Variants in ZNF704 observed in about 807,000 individuals in gnomAD.
The protein encoded by ZNF704 is glucocorticoid induced gene 1.
In ZNF704, 10 loss-of-function variants were observed where a neutral mutation model predicts 44.7. The ratio of observed to expected loss-of-function variants is 0.22; its 90% confidence interval spans 0.14 to 0.38. ZNF704 has a LOEUF of 0.38. ZNF704 is among the 10% of genes least tolerant of loss of function. The pLI is 1.00. For synonymous variants in ZNF704, 211 were observed against 207.6 expected, an observed-to-expected ratio of 1.02 and a Z score of -0.14; for missense variants, 390 against 545.5, an observed-to-expected ratio of 0.71 and a Z score of 2.84.
In ZNF704 at chr8:80,736,620, C is replaced by A. The variant is rs1381515699; in HGVS notation, c.222-43513G>T. Among the ~76,000 whole-genome samples the A allele has an allele frequency of 3.3e-5, 5 of 151,856 alleles. No individual in the cohort carries two copies. In the East Asian group the frequency reaches 9.7e-4, roughly 29 times the overall value. On this transcript the variant is annotated intron_variant, in intron 2 of 8. Transcript: ENST00000327835. ...CTGCCCATGAAAACTACGAAGGGAA[C>A]TTAAAAAAAATTGGTGCCTGGCTAT...
rs189479708 is a variant in ZNF704, at chr8:80,671,505, T to G, written c.559-902A>C. ...AAATGACATCATGGAAGTGAATCAG[T>G]TAGCAGAATGCTGACAGGAATAACC... On this transcript the variant is annotated intron_variant, in intron 4 of 8. Transcript: ENST00000327835. Among the ~76,000 whole-genome samples, 505 of 152,324 alleles carry G rather than the reference T, an allele frequency of 3.3e-3. 1 individual carries two copies. The highest frequency in any genetic ancestry group is 0.01 in the Middle Eastern group (3 of 294).
intron 1 of ZNF704, 120 bp from the exon 2 acceptor site, chr8:80,821,735 T>A: frequency 2.8e-6 from 2 of 718,552 alleles, no homozygotes; most frequent in South Asian, 1.7e-5. Context: ...AAAGATTGTA[T>A]AATTTTAATA....
intron 1 of ZNF704, among the ~76,000 whole-genome samples, chr8:80,850,746 T>C (rs1808844447): frequency 6.6e-6 from 1 of 152,172 alleles, no homozygotes; most frequent in African/African-American, 2.4e-5. Flanking sequence ...CCAGAACACT[T>C]TTGAGCTCAT....
chr8:80,797,077 A>G (rs986912975), intron 2 of ZNF704, among the ~76,000 whole-genome samples: 24 of 150,032 alleles, frequency 1.6e-4, no homozygotes, highest in Middle Eastern at 3.4e-3. Flanking sequence ...GAAGCCCAAG[A>G]GGGTAAACAT....
At chr8:80,719,076 C>G (rs1180291083) in intron 2 of ZNF704, among the ~76,000 whole-genome samples, 1 of 152,088 alleles carries the variant, frequency 6.6e-6, no homozygotes, top group Non-Finnish European at 1.5e-5. Context: ...GATCAATTCT[C>G]CACCTCAGCC....
chr8:80,744,758 G>C (rs993451844), intron 2 of ZNF704, among the ~76,000 whole-genome samples: 3 of 152,174 alleles, frequency 2.0e-5, no homozygotes, highest in African/African-American at 7.2e-5. Context: ...GGGGAGGCCA[G>C]AAGTAATGAG....
intron 6 of ZNF704, among the ~76,000 whole-genome samples, chr8:80,663,314 G>A (rs566503492): frequency 6.6e-6 from 1 of 150,860 alleles, no homozygotes; most frequent in African/African-American, 2.4e-5. Context: ...CCAGGAGTTC[G>A]AGGCTGCAGT....
In ZNF704 at chr8:80,641,092, T is replaced by C. The variant is rs1450433501; in HGVS notation, c.*274A>G. ...AAGTCCACAGTTTTAAGTCTAGACA[T>C]ACAGCAAAAAAAGTTGACTTTTCTT... On this transcript the variant is annotated 3_prime_UTR_variant, in exon 9 of 9. Coordinates refer to ENST00000327835, the MANE Select transcript of ZNF704 (RefSeq NM_001033723.3). 1 of 245,048 alleles carries C rather than the reference T, an allele frequency of 4.1e-6. No homozygotes were observed. The highest frequency in any genetic ancestry group is 5.2e-5 in the Admixed American group (1 of 19,392). 15.2% of individuals were successfully genotyped at this position (245,048 alleles called of 1,614,324 possible). A position where few individuals can be genotyped will look rare whatever the true frequency, so the allele number is the denominator to read the frequency against.
In ZNF704 at chr8:80,740,286, T is replaced by C. The variant is rs1289730310; in HGVS notation, c.222-47179A>G. 2.6e-5 allele frequency among the ~76,000 whole-genome samples: 4 copies of C among 152,190 alleles called. No individual in the cohort carries two copies. The South Asian group carries it at 6.2e-4, about 24-fold the overall frequency. On this transcript the variant is annotated intron_variant, in intron 2 of 8. Coordinates refer to ENST00000327835, the MANE Select transcript of ZNF704 (RefSeq NM_001033723.3). ...GAACATAGGAGAAAGAACATCCATT[T>C]GTTGTCCCCTGCTTGAGGAAGGAAT... is the stretch of plus-strand genomic sequence containing the variant.
chr8:80,842,723 A>G (rs893866593), intron 1 of ZNF704, among the ~76,000 whole-genome samples: 9 of 152,248 alleles, frequency 5.9e-5, no homozygotes, highest in Non-Finnish European at 1.5e-5. Flanking sequence ...TGTCTCTGAC[A>G]TCCATATCAT....
In ZNF704 at chr8:80,633,879, T is replaced by C. The variant is rs1817625261; in HGVS notation, c.*7487A>G. 6.6e-6 allele frequency: 1 copy of C among 152,216 alleles called. No homozygotes were observed. The highest frequency in any genetic ancestry group is 1.5e-5 in the Non-Finnish European group (1 of 68,042). The allele number at this position is 152,216 out of a possible 1,614,324, so 9.4% of individuals were successfully genotyped here. ...CTAATTTTTTTCATGACATAATTTATTCTCATTTTGCTTTCCCCTCAAAGA... is the reference window on the plus strand; with the variant it reads ...CTAATTTTTTTCATGACATAATTTACTCTCATTTTGCTTTCCCCTCAAAGA... On this transcript the variant is annotated 3_prime_UTR_variant, in exon 9 of 9. Coordinates refer to ENST00000327835, the MANE Select transcript of ZNF704 (RefSeq NM_001033723.3).
At chr8:80,862,726 G>C (rs1320250261) in intron 1 of ZNF704, among the ~76,000 whole-genome samples, 2 of 134,298 alleles carry the variant, frequency 1.5e-5, no homozygotes, top group Admixed American at 8.3e-5. Flanking sequence ...GATCACACCA[G>C]TGTACTCCAG....
chr8:80,766,928 G>A (rs1260852500), intron 2 of ZNF704, among the ~76,000 whole-genome samples: 1 of 152,064 alleles, frequency 6.6e-6, no homozygotes, highest in African/African-American at 2.4e-5. Context: ...GGCCAGGCTC[G>A]TCTTGAACTC....
At chr8:80,708,868 GA>G (rs1818938867) in intron 2 of ZNF704, among the ~76,000 whole-genome samples, 1 of 151,566 alleles carries the variant, frequency 6.6e-6, no homozygotes, top group African/African-American at 2.4e-5. Flanking sequence ...GAATTATTAG[GA>G]AGGCTGATTA....
chr8:80,835,070 C>G (rs1327600442), intron 1 of ZNF704, among the ~76,000 whole-genome samples: 2 of 152,154 alleles, frequency 1.3e-5, no homozygotes, highest in Admixed American at 1.3e-4. Context: ...TAGTCAGCAG[C>G]ACACTTAGGA....
intron 2 of ZNF704, among the ~76,000 whole-genome samples, chr8:80,694,560 C>T (rs571491511): frequency 3.9e-5 from 6 of 152,262 alleles, no homozygotes; most frequent in African/African-American, 1.2e-4. Flanking sequence ...CACAGGTGTG[C>T]TGTCTAATTT....
chr8:80,855,604 A>G (rs888662725), intron 1 of ZNF704, among the ~76,000 whole-genome samples: 2 of 152,176 alleles, frequency 1.3e-5, no homozygotes, highest in Admixed American at 1.3e-4. Flanking sequence ...AATGATACAC[A>G]ACAGTAACAG....
At chr8:80,843,398 A>T (rs906604322) in intron 1 of ZNF704, among the ~76,000 whole-genome samples, 32 of 152,244 alleles carry the variant, frequency 2.1e-4, no homozygotes, top group African/African-American at 7.5e-4. Context: ...TGAATGCCAA[A>T]GGTCACACAT....
At chr8:80,880,545 C>A in the ZNF704 span, among the ~76,000 whole-genome samples, 1 of 152,094 alleles carries the variant, frequency 6.6e-6, no homozygotes, top group Non-Finnish European at 1.5e-5. Context: ...TCCTTTTTGT[C>A]TCACATTATT....
Sources: gnomAD v4.1 joint callset for allele counts (sites outside exome capture counted in the v4.1 genomes callset) on GRCh38, gnomAD v4.1.1 for gene constraint, MANE v1.5 for transcripts, NCBI Gene and HGNC (gene_info 2026-07-23, HGNC 2026-07-21) for gene names.